The following IFT74 variants were observed in gnomAD, a reference collection of about 807,000 sequenced individuals.
The protein encoded by IFT74 is intraflagellar transport 74, also known as intraflagellar transport protein 74 homolog.
Under a neutral mutation model 96.7 loss-of-function variants are expected in IFT74, and 92 were observed. That is an observed-to-expected ratio of 0.95 (90% confidence interval 0.80 to 1.13). The LOEUF is 1.13. Among genes scored for constraint, IFT74 ranks in the 50% most tolerant of loss-of-function variants. The probability of loss-of-function intolerance (pLI) is 0.00; values close to 1 mark genes in which losing one functional copy is unlikely to be tolerated. For synonymous variants in IFT74, 223 were observed against 213.2 expected, an observed-to-expected ratio of 1.05 and a Z score of -0.40; for missense variants, 811 against 698.2, an observed-to-expected ratio of 1.16 and a Z score of -1.82.
At position 27,064,444 on chromosome 9, in the gene IFT74, T is replaced by C. The variant is rs2131722983; in HGVS notation, c.*1708T>C. Among the ~76,000 whole-genome samples, 1 of 152,290 alleles carries C rather than the reference T, an allele frequency of 6.6e-6. No homozygotes were observed. The highest frequency in any genetic ancestry group is 2.4e-5 in the African/African-American group (1 of 41,584). ...CAGTAGATAAAACAGGTAATAGATT[T>C]TGATGACAGTTTGCAGCCCTTCGTT... is the stretch of plus-strand genomic sequence containing the variant. On this transcript the variant is annotated 3_prime_UTR_variant, in exon 20 of 20. Coordinates refer to ENST00000380062, the MANE Select transcript of IFT74 (RefSeq NM_025103.4).
chr9:26,949,483 T>C (rs1469094022), intron 1 of IFT74, among the ~76,000 whole-genome samples: 6 of 152,170 alleles, frequency 3.9e-5, no homozygotes, highest in Non-Finnish European at 1.5e-5. Flanking sequence ...TAGTCTTGCT[T>C]CCACCAACCC....
intron 6 of IFT74, among the ~76,000 whole-genome samples, chr9:26,986,746 C>T (rs779750142): frequency 6.6e-5 from 10 of 152,150 alleles, no homozygotes; most frequent in Non-Finnish European, 1.0e-4. Context: ...CATCAGCCTC[C>T]CAAGTAGCTG....
chr9:26,982,490 CT>C (rs1369155015), intron 4 of IFT74: 1 of 300,414 alleles, frequency 3.3e-6, no homozygotes, highest in African/African-American at 2.9e-5. Context: ...GAGTTTTGCT[CT>C]TGTTGCCCAG....
intron 8 of IFT74, among the ~76,000 whole-genome samples, chr9:27,006,940 C>T (rs996890581): frequency 6.7e-6 from 1 of 149,732 alleles, no homozygotes; most frequent in Non-Finnish European, 1.5e-5. Flanking sequence ...GGGTTGACGC[C>T]ATTCTCCTGC....
At chr9:27,047,755 T>G (rs1654322592) in intron 15 of IFT74, among the ~76,000 whole-genome samples, 1 of 152,208 alleles carries the variant, frequency 6.6e-6, no homozygotes, top group Admixed American at 6.5e-5. Context: ...GTAAATTTAT[T>G]GTAAATAAAA....
intron 2 of IFT74, among the ~76,000 whole-genome samples, chr9:26,963,031 A>C (rs1826438108): frequency 6.6e-6 from 1 of 151,326 alleles, no homozygotes; most frequent in East Asian, 1.9e-4. Flanking sequence ...ATATGTATAC[A>C]TGTGCCATGC....
intron 8 of IFT74, chr9:26,996,247 A>G (rs1248534976): frequency 1.3e-5 from 12 of 930,242 alleles, no homozygotes; most frequent in Non-Finnish European, 1.7e-5. Context: ...AAATAAAGAT[A>G]ACTACCTCAG....
chr9:27,018,621 A>T (rs767818343), intron 11 of IFT74, 26 bp from the exon 12 acceptor site: 7 of 1,364,756 alleles, frequency 5.1e-6, no homozygotes, highest in Non-Finnish European at 4.1e-6. Context: ...TTTTTTAAAT[A>T]CTACTTTCTT....
chr9:27,028,536 T>A (rs1829978297), intron 12 of IFT74, among the ~76,000 whole-genome samples: 1 of 152,028 alleles, frequency 6.6e-6, no homozygotes, highest in Non-Finnish European at 1.5e-5. Flanking sequence ...GGCAGGTGGA[T>A]CTCGAGGTCA....
chr9:26,982,255 A>C, intron 4 of IFT74: 1 of 327,486 alleles, frequency 3.1e-6, no homozygotes, highest in South Asian at 2.2e-5. Flanking sequence ...ATTTTAATTA[A>C]TTCATAAGCT....
chr9:27,053,870 G>A (rs929162931), intron 16 of IFT74, among the ~76,000 whole-genome samples: 11 of 152,182 alleles, frequency 7.2e-5, no homozygotes, highest in African/African-American at 2.7e-4. Context: ...ATAAGCCTTA[G>A]TCACTTGTTC....
chr9:26,981,885 A>G (rs897216880), intron 4 of IFT74, among the ~76,000 whole-genome samples: 1 of 151,132 alleles, frequency 6.6e-6, no homozygotes, highest in Non-Finnish European at 1.5e-5. Context: ...CTCCTGCCTC[A>G]GCCTCGTGAG....
Position 27,011,909 on chromosome 9 carries a change from T to C in IFT74, c.730T>C (p.Leu244=). 1.3e-6 allele frequency: 2 copies of C among 1,558,178 alleles called. No homozygotes were observed. The highest frequency in any genetic ancestry group is 1.7e-6 in the Non-Finnish European group (2 of 1,152,654). ...TTGCTTTTTTTTTTCCACTTAGGAA[T>C]TAGATACACTTCAACAACAATTGGA... ...KTTNEKLLQE[L]DTLQQQLDSQ... The change falls in exon 10 of 20, where the codon TTA becomes CTA. Residue 244 remains leucine (L), a synonymous_variant. Coordinates refer to ENST00000380062, the MANE Select transcript of IFT74 (RefSeq NM_025103.4).
At chr9:26,963,931 G>A (rs1354739018) in intron 2 of IFT74, among the ~76,000 whole-genome samples, 1 of 152,044 alleles carries the variant, frequency 6.6e-6, no homozygotes, top group African/African-American at 2.4e-5. Flanking sequence ...CACTCTGATG[G>A]TAGTTTCTTT....
chr9:27,004,148 G>T (rs1828653869), intron 8 of IFT74, among the ~76,000 whole-genome samples: 1 of 152,164 alleles, frequency 6.6e-6, no homozygotes, highest in Non-Finnish European at 1.5e-5. Flanking sequence ...AGTAATGGAG[G>T]CAAGACAGGA....
intron 12 of IFT74, among the ~76,000 whole-genome samples, chr9:27,023,152 A>G (rs1050679503): frequency 2.6e-5 from 4 of 151,866 alleles, no homozygotes; most frequent in African/African-American, 9.7e-5. Flanking sequence ...CCCTTTATTC[A>G]TTTCTTTTTT....
intron 12 of IFT74, 59 bp from the exon 13 acceptor site, chr9:27,028,966 A>ATTGTTT: frequency 7.0e-7 from 1 of 1,430,828 alleles, no homozygotes; most frequent in Non-Finnish European, 9.6e-7. Flanking sequence ...CTCCCCATCA[A>ATTGTTT]TTGTTTTTAT....
chr9:27,064,944 A>C lies in IFT74; in HGVS notation c.*2208A>C, dbSNP rs1820563979. 6.6e-6 allele frequency among the ~76,000 whole-genome samples: 1 copy of C among 152,140 alleles called. No homozygotes were observed. The highest frequency in any genetic ancestry group is 1.5e-5 in the Non-Finnish European group (1 of 67,994). ...CATTTAATACTTAGAAATGCAATAA[A>C]ATTCAAATAAAGTACTATATGCAGT... On this transcript the variant is annotated 3_prime_UTR_variant, in exon 20 of 20. Transcript: ENST00000380062.
chr9:27,038,862 G>A (rs1030610322), intron 13 of IFT74, among the ~76,000 whole-genome samples: 2 of 152,142 alleles, frequency 1.3e-5, no homozygotes, highest in Admixed American at 1.3e-4. Flanking sequence ...GTCACCTGAG[G>A]GATAGCAACA....
Sources: gnomAD v4.1 joint callset for allele counts (sites outside exome capture counted in the v4.1 genomes callset) on GRCh38, gnomAD v4.1.1 for gene constraint, MANE v1.5 for transcripts, NCBI Gene and HGNC (gene_info 2026-07-23, HGNC 2026-07-21) for gene names.